Variants in GRID2 observed in about 807,000 individuals in gnomAD.
GRID2 encodes the protein glutamate ionotropic receptor delta type subunit 2.
GRID2 carries 33 observed loss-of-function variants against 114.8 expected under a neutral mutation model. That is an observed-to-expected ratio of 0.29 (90% CI 0.22 to 0.38). The LOEUF is 0.38. Ranked by LOEUF, GRID2 falls within the 10% of genes least tolerant of loss-of-function variation. The pLI is 1.00. For missense variants in GRID2, 1,184 were observed against 1,257.7 expected (o/e 0.94, Z 0.89); for synonymous variants, 505 against 449.9 (o/e 1.12, Z -1.55).
chr4:92,888,550 G>A (rs1378826663), intron 2 of GRID2, among the ~76,000 whole-genome samples: 1 of 151,848 alleles, frequency 6.6e-6, no homozygotes, highest in Non-Finnish European at 1.5e-5. Flanking sequence ...TGTGGCGCTG[G>A]GGGGATGAAA....
intron 8 of GRID2, among the ~76,000 whole-genome samples, chr4:93,359,487 A>G (rs1761671134): frequency 6.6e-6 from 1 of 151,418 alleles, no homozygotes; most frequent in Non-Finnish European, 1.5e-5. Flanking sequence ...TATTGATTAT[A>G]TTCACCCTGT....
intron 13 of GRID2, among the ~76,000 whole-genome samples, chr4:93,547,050 A>G (rs1481473149): frequency 6.6e-6 from 1 of 152,194 alleles, no homozygotes; most frequent in Non-Finnish European, 1.5e-5. Context: ...TTGCCATAGC[A>G]CACAGCCAGC....
intron 11 of GRID2, among the ~76,000 whole-genome samples, chr4:93,475,379 C>T (rs1015214918): frequency 1.3e-5 from 2 of 152,062 alleles, no homozygotes; most frequent in Non-Finnish European, 2.9e-5. Context: ...TTTTGTAAGA[C>T]TAGATTCATA....
intron 2 of GRID2, among the ~76,000 whole-genome samples, chr4:92,953,670 A>T (rs1307129266): frequency 6.6e-6 from 1 of 152,152 alleles, no homozygotes; most frequent in Non-Finnish European, 1.5e-5. Context: ...AATGAATCCA[A>T]CAGGAATCAA....
At chr4:92,779,632 TG>T (rs1738976504) in intron 2 of GRID2, among the ~76,000 whole-genome samples, 1 of 152,054 alleles carries the variant, frequency 6.6e-6, no homozygotes, top group Admixed American at 6.6e-5. Flanking sequence ...TGTCCAACTA[TG>T]GCATCCTTGT....
chr4:93,538,066 T>C (rs998650711), intron 13 of GRID2, among the ~76,000 whole-genome samples: 1 of 151,792 alleles, frequency 6.6e-6, no homozygotes, highest in Non-Finnish European at 1.5e-5. Context: ...CTTTTTAAAA[T>C]TTTTATTCGT....
intron 2 of GRID2, among the ~76,000 whole-genome samples, chr4:92,780,918 G>A (rs1333399825): frequency 6.6e-6 from 1 of 152,044 alleles, no homozygotes; most frequent in Non-Finnish European, 1.5e-5. Context: ...ATAATTACTT[G>A]TCAGGGTTTT....
At chr4:92,837,702 A>G (rs1742555978) in intron 2 of GRID2, among the ~76,000 whole-genome samples, 1 of 152,088 alleles carries the variant, frequency 6.6e-6, no homozygotes, top group South Asian at 2.1e-4. Flanking sequence ...CTAATATACT[A>G]TTATACTGTA....
chr4:92,897,213 C>T (rs1039524504), intron 2 of GRID2, among the ~76,000 whole-genome samples: 2 of 142,768 alleles, frequency 1.4e-5, no homozygotes, highest in Non-Finnish European at 3.0e-5. Context: ...TGCAATGGTG[C>T]TGAATCAACA....
intron 8 of GRID2, among the ~76,000 whole-genome samples, chr4:93,305,877 C>T (rs1187960991): frequency 6.6e-6 from 1 of 152,068 alleles, no homozygotes; most frequent in Non-Finnish European, 1.5e-5. Flanking sequence ...AGACTACTTC[C>T]AGAGTCAAAA....
chr4:92,536,250 A>G (rs977907927), intron 1 of GRID2, among the ~76,000 whole-genome samples: 1 of 152,140 alleles, frequency 6.6e-6, no homozygotes. Flanking sequence ...TTAACTAGAC[A>G]GAAAAGTTCT....
intron 14 of GRID2, among the ~76,000 whole-genome samples, chr4:93,632,309 G>C (rs1025396319): frequency 3.3e-5 from 5 of 152,138 alleles, no homozygotes; most frequent in African/African-American, 1.2e-4. Flanking sequence ...CGTCCTGAAT[G>C]GTATTGCCTA....
chr4:93,653,510 T>C (rs1043204500), intron 14 of GRID2, among the ~76,000 whole-genome samples: 13 of 152,242 alleles, frequency 8.5e-5, no homozygotes, highest in Admixed American at 2.0e-4. Flanking sequence ...AAGTGTGCTA[T>C]TTTGTATGTG....
intron 2 of GRID2, among the ~76,000 whole-genome samples, chr4:92,631,822 T>C (rs1411113823): frequency 2.0e-5 from 3 of 152,302 alleles, no homozygotes; most frequent in Middle Eastern, 3.4e-3. Flanking sequence ...ATAGGATATT[T>C]CATTTAGTCG....
chr4:92,768,966 C>A (rs1024050568), intron 2 of GRID2, among the ~76,000 whole-genome samples: 1 of 152,166 alleles, frequency 6.6e-6, no homozygotes, highest in Non-Finnish European at 1.5e-5. Flanking sequence ...ATTTCAAAAC[C>A]AATTATGCCT....
intron 4 of GRID2, among the ~76,000 whole-genome samples, chr4:93,155,714 C>A (rs72665301): frequency 0.076 from 11,459 of 151,596 alleles, 472 homozygotes; most frequent in East Asian, 0.17. Flanking sequence ...TTTATAAAAT[C>A]AAAATGACTT....
At chr4:92,970,782 T>C (rs1259268945) in intron 2 of GRID2, among the ~76,000 whole-genome samples, 1 of 151,946 alleles carries the variant, frequency 6.6e-6, no homozygotes, top group Non-Finnish European at 1.5e-5. Flanking sequence ...AATTCAGTAA[T>C]GGAAAAGGAA....
At chr4:92,780,673 G>C (rs1017133021) in intron 2 of GRID2, among the ~76,000 whole-genome samples, 1 of 152,180 alleles carries the variant, frequency 6.6e-6, no homozygotes, top group East Asian at 1.9e-4. Context: ...CTTCAGATAA[G>C]TAACCCTGGC....
chr4:93,195,683 T>C lies in GRID2; in HGVS notation c.736-11721T>C, dbSNP rs1741417580. Among the ~76,000 whole-genome samples the C allele has an allele frequency of 2.0e-5, 3 of 152,230 alleles. No homozygotes were observed. The South Asian group carries it at 6.2e-4, about 32-fold the overall frequency. On this transcript the variant is annotated intron_variant, in intron 4 of 15. Transcript: ENST00000282020. ...TACAGAAAAAGAATGAGGGTCAGCTTTAACTAGGGGTTAGAAGCCATGAAT... is the reference window on the plus strand; with the variant it reads ...TACAGAAAAAGAATGAGGGTCAGCTCTAACTAGGGGTTAGAAGCCATGAAT...
Sources: gnomAD v4.1 joint callset for allele counts (sites outside exome capture counted in the v4.1 genomes callset) on GRCh38, gnomAD v4.1.1 for gene constraint, MANE v1.5 for transcripts, NCBI Gene and HGNC (gene_info 2026-07-23, HGNC 2026-07-21) for gene names.